Variants in AFAP1 observed in about 807,000 individuals in gnomAD.
AFAP1 encodes the protein actin filament associated protein 1.
A neutral mutation model predicts 93.9 loss-of-function variants in AFAP1; 75 were observed. The ratio of observed to expected loss-of-function variants is 0.80; its 90% CI spans 0.66 to 0.97. The LOEUF is 0.97. Among genes scored for constraint, AFAP1 ranks in the 50% least tolerant of loss-of-function variants. The pLI, the probability that AFAP1 is intolerant of heterozygous loss-of-function variation, is 0.00. For missense variants in AFAP1, 1,201 were observed against 1,050.8 expected, an observed-to-expected ratio of 1.14 and a Z score of -1.98; for synonymous variants, 517 against 430.7, an observed-to-expected ratio of 1.20 and a Z score of -2.48.
Position 7,793,765 on chromosome 4 carries a change from G to C in AFAP1, c.1328C>G (p.Ser443Cys), listed in dbSNP as rs763542872. 2.5e-6 allele frequency: 4 copies of C among 1,575,156 alleles called. 1 individual carries two copies. In the East Asian group the frequency reaches 6.8e-5, roughly 27 times the overall value. The change falls in exon 11 of 18, where the codon TCC becomes TGC. Residue 443 changes from serine (S) to cysteine (C), a missense_variant. Ser to Cys is a moderately radical substitution (Grantham distance 112). Transcript: ENST00000420658. Reference protein sequence around the residue: ...IGILLAETGSSTDPEALHYDY... With the variant: ...IGILLAETGSCTDPEALHYDY... Reference sequence around the variant, plus strand: ...ATAGTGCAGAGCCTCCGGGTCTGTGGACGATCCCGTCTCTGCGAGTAAAAT... The same window carrying C: ...ATAGTGCAGAGCCTCCGGGTCTGTGCACGATCCCGTCTCTGCGAGTAAAAT...
At chr4:7,879,549 A>C (rs1009047542) in intron 1 of AFAP1, among the ~76,000 whole-genome samples, 7 of 152,156 alleles carry the variant, frequency 4.6e-5, no homozygotes, top group African/African-American at 7.2e-5. Flanking sequence ...ACACCAAACA[A>C]AAGATCTGAC....
At chr4:7,788,536 T>C (rs541482430) in intron 11 of AFAP1, 1 of 152,290 alleles carries the variant, frequency 6.6e-6, no homozygotes, top group South Asian at 2.1e-4. Context: ...AATTAATATA[T>C]GCTAAACTTA....
At chr4:7,775,606 T>C (rs1716020417) in intron 14 of AFAP1, 1 of 152,152 alleles carries the variant, frequency 6.6e-6, no homozygotes, top group African/African-American at 2.4e-5. Flanking sequence ...TGTGGCACAA[T>C]AAATGCTTGT....
intron 1 of AFAP1, among the ~76,000 whole-genome samples, chr4:7,905,003 C>G (rs1264338266): frequency 6.6e-6 from 1 of 152,144 alleles, no homozygotes; most frequent in African/African-American, 2.4e-5. Context: ...CCACTGTGCC[C>G]AGCCCTACAA....
intron 9 of AFAP1, 36 bp downstream of exon 9, chr4:7,809,578 G>C (rs1237625532): frequency 2.5e-6 from 4 of 1,596,956 alleles, no homozygotes; most frequent in Middle Eastern, 1.8e-4. Context: ...ACCCACTTAG[G>C]TGCACGCTGC....
chr4:7,804,975 C>T (rs1275629517), intron 9 of AFAP1, among the ~76,000 whole-genome samples: 2 of 152,116 alleles, frequency 1.3e-5, no homozygotes, highest in African/African-American at 2.4e-5. Context: ...AGTGTGTCCT[C>T]GACGAGGCCA....
At chr4:7,930,498 T>C (rs1259060946) in intron 1 of AFAP1, among the ~76,000 whole-genome samples, 1 of 152,196 alleles carries the variant, frequency 6.6e-6, no homozygotes, top group Non-Finnish European at 1.5e-5. Context: ...TCGGTCTTTC[T>C]GGCAACCAGC....
intron 5 of AFAP1, among the ~76,000 whole-genome samples, chr4:7,840,308 GTGT>G (rs1560191729): frequency 1.8e-4 from 11 of 59,676 alleles, no homozygotes; most frequent in African/African-American, 3.1e-4. Flanking sequence ...TTTTTGGGGT[GTGT>G]GTGTGTGTGT....
rs975922141 is a variant in AFAP1 at position 7,763,293 on chromosome 4, C to T, written c.*472G>A. On this transcript the variant is annotated 3_prime_UTR_variant, in exon 18 of 18. Coordinates refer to ENST00000420658, the MANE Select transcript of AFAP1 (RefSeq NM_001134647.2). ...ACGTCAGGACTGCGTATGCCCCTGG[C>T]CCTCCTGGTGGGCGTGCAAGGCGAG... The T allele has an allele frequency of 1.2e-5, 2 of 172,542 alleles. No individual in the cohort carries two copies. The highest frequency in any genetic ancestry group is 2.5e-5 in the Non-Finnish European group (2 of 81,392). The allele number at this position is 172,542 out of a possible 1,614,324, so 10.7% of individuals were successfully genotyped here.
chr4:7,864,166 C>CCAACTTCCCATCACAACACATTCCCA (rs1257426017), intron 3 of AFAP1, among the ~76,000 whole-genome samples: 43 of 151,976 alleles, frequency 2.8e-4, no homozygotes, highest in African/African-American at 3.9e-4. Flanking sequence ...CATCACAACC[C>CCAACTTCCCATCACAACACATTCCCA]ACAGGTCCTT....
intron 17 of AFAP1, among the ~76,000 whole-genome samples, chr4:7,765,749 A>G (rs1395398803): frequency 1.3e-5 from 2 of 152,234 alleles, no homozygotes; most frequent in Non-Finnish European, 2.9e-5. Flanking sequence ...CACAGACGCC[A>G]GGGCCAGACC....
At chr4:7,925,480 A>G (rs1720674812) in intron 1 of AFAP1, among the ~76,000 whole-genome samples, 1 of 152,084 alleles carries the variant, frequency 6.6e-6, no homozygotes, top group South Asian at 2.1e-4. Flanking sequence ...TGGGAGGCCG[A>G]GTCAGGTGGA....
intron 4 of AFAP1, among the ~76,000 whole-genome samples, chr4:7,850,807 CACTTGTG>C (rs1430158521): frequency 1.3e-5 from 2 of 152,230 alleles, no homozygotes; most frequent in Admixed American, 6.5e-5. Flanking sequence ...TTGTGCGGGT[CACTTGTG>C]TCACTGAGTC....
intron 1 of AFAP1, among the ~76,000 whole-genome samples, chr4:7,929,024 G>T (rs574860106): frequency 6.6e-6 from 1 of 152,348 alleles, no homozygotes; most frequent in South Asian, 2.1e-4. Context: ...CTTCGGAAAT[G>T]CCTTCCACCG....
At chr4:7,896,920 C>T (rs1027895809) in intron 1 of AFAP1, among the ~76,000 whole-genome samples, 1 of 151,944 alleles carries the variant, frequency 6.6e-6, no homozygotes, top group Non-Finnish European at 1.5e-5. Context: ...CGGTGTGACA[C>T]GGTGTATCTA....
At chr4:7,918,082 G>A (rs1452038155) in intron 1 of AFAP1, among the ~76,000 whole-genome samples, 2 of 152,244 alleles carry the variant, frequency 1.3e-5, no homozygotes, top group African/African-American at 4.8e-5. Context: ...TGGTGGAAAT[G>A]TTTTGCTTGC....
At chr4:7,815,937 G>T (rs945280857) in intron 8 of AFAP1, 81 bp downstream of exon 8, 2 of 1,294,478 alleles carry the variant, frequency 1.5e-6, no homozygotes, top group East Asian at 2.3e-5. Flanking sequence ...CGTACAATCA[G>T]ACTTTACAAA....
intron 1 of AFAP1, among the ~76,000 whole-genome samples, chr4:7,902,701 T>TTGTGTG (rs770941617): frequency 1.7e-4 from 26 of 152,334 alleles, no homozygotes; most frequent in Middle Eastern, 3.4e-3. Context: ...ATATTCTCCA[T>TTGTGTG]TGCGGTTACA....
At chr4:7,864,166 C>CCAACTTCCCATCACAACGCATTCCCA (rs1257426017) in intron 3 of AFAP1, among the ~76,000 whole-genome samples, 13 of 151,976 alleles carry the variant, frequency 8.6e-5, no homozygotes, top group Non-Finnish European at 1.5e-4. Flanking sequence ...CATCACAACC[C>CCAACTTCCCATCACAACGCATTCCCA]ACAGGTCCTT....
Sources: allele counts gnomAD v4.1 joint callset (sites outside exome capture counted in the v4.1 genomes callset), GRCh38; gene constraint gnomAD v4.1.1; transcripts MANE v1.5; gene names NCBI Gene and HGNC (gene_info 2026-07-23, HGNC 2026-07-21).